CNTN5: variants seen among roughly 807,000 people sequenced by gnomAD.
CNTN5 encodes the protein contactin-5.
A neutral mutation model predicts 129.1 loss-of-function variants in CNTN5; 77 were observed. That is an observed-to-expected ratio of 0.60 (90% CI 0.50 to 0.72). CNTN5 has a LOEUF of 0.72. CNTN5 is among the 30% of genes least tolerant of loss of function. The pLI is 0.00. For synonymous variants in CNTN5, 509 were observed against 465.6 expected, an observed-to-expected ratio of 1.09 and a Z score of -1.20; for missense variants, 1,478 against 1,328.8, an observed-to-expected ratio of 1.11 and a Z score of -1.75.
intron 13 of CNTN5, among the ~76,000 whole-genome samples, chr11:100,140,238 T>C (rs1256481874): frequency 6.6e-6 from 1 of 152,196 alleles, no homozygotes; most frequent in Non-Finnish European, 1.5e-5. Context: ...AAAAGAAATA[T>C]GCCAACATGG....
At chr11:99,986,181 T>A (rs1938663738) in intron 8 of CNTN5, among the ~76,000 whole-genome samples, 1 of 152,130 alleles carries the variant, frequency 6.6e-6, no homozygotes, top group South Asian at 2.1e-4. Flanking sequence ...GATTACATAG[T>A]CACTTATTGT....
At chr11:99,926,606 T>C (rs1170380094) in intron 7 of CNTN5, among the ~76,000 whole-genome samples, 5 of 152,140 alleles carry the variant, frequency 3.3e-5, no homozygotes, top group Non-Finnish European at 7.4e-5. Context: ...TTTGGCATCT[T>C]TAATCTTACA....
chr11:99,775,146 G>T (rs1145373), intron 3 of CNTN5, among the ~76,000 whole-genome samples: 1 of 151,928 alleles, frequency 6.6e-6, no homozygotes, highest in South Asian at 2.1e-4. Context: ...ACTCTGCCAT[G>T]GGCGTGATGC....
intron 3 of CNTN5, among the ~76,000 whole-genome samples, chr11:99,756,492 C>T (rs1318737553): frequency 1.3e-5 from 2 of 152,088 alleles, no homozygotes; most frequent in Non-Finnish European, 2.9e-5. Context: ...TAGATTGCAT[C>T]TTGTCACAAA....
At chr11:99,601,589 A>T (rs1188832505) in intron 3 of CNTN5, among the ~76,000 whole-genome samples, 1 of 152,244 alleles carries the variant, frequency 6.6e-6, no homozygotes, top group Non-Finnish European at 1.5e-5. Context: ...TTCATTATAC[A>T]TAAACTTTTT....
intron 3 of CNTN5, among the ~76,000 whole-genome samples, chr11:99,707,588 A>G (rs759346347): frequency 6.6e-6 from 1 of 151,690 alleles, no homozygotes; most frequent in Non-Finnish European, 1.5e-5. Context: ...ATTTAGAGAT[A>G]GCCACATAGT....
At chr11:99,856,523 T>A (rs537320105) in intron 6 of CNTN5, among the ~76,000 whole-genome samples, 1 of 152,320 alleles carries the variant, frequency 6.6e-6, no homozygotes, top group African/African-American at 2.4e-5. Flanking sequence ...TCAGAGTAAC[T>A]TCTGTATGCC....
chr11:100,037,165 GT>G (rs1942066731), intron 9 of CNTN5, among the ~76,000 whole-genome samples: 1 of 121,910 alleles, frequency 8.2e-6, no homozygotes, highest in African/African-American at 3.5e-5. Context: ...TTTATTAAGA[GT>G]TTTTAGCATG....
chr11:99,960,214 C>G (rs554287292), intron 8 of CNTN5, among the ~76,000 whole-genome samples: 1 of 152,214 alleles, frequency 6.6e-6, no homozygotes, highest in African/African-American at 2.4e-5. Flanking sequence ...TTTAAGTTTA[C>G]TGTTGCTTAT....
Position 100,227,148 on chromosome 11 carries a change from G to A in CNTN5, c.2005+2336G>A, listed in dbSNP as rs530260358. Among the ~76,000 whole-genome samples the A allele has an allele frequency of 3.9e-5, 6 of 152,218 alleles. No homozygotes were observed. The South Asian group carries it at 1.0e-3, about 26-fold the overall frequency. ...GCTCAATGTCTTCATCACAAGGAAC[G>A]TACTTGGATGGCAAGGATTATGTTC... On this transcript the variant is annotated intron_variant, in intron 16 of 24. Transcript: ENST00000524871.
chr11:100,104,092 C>T (rs1376260736), intron 13 of CNTN5, among the ~76,000 whole-genome samples: 1 of 142,262 alleles, frequency 7.0e-6, no homozygotes, highest in Non-Finnish European at 1.5e-5. Flanking sequence ...TAGAAAACGT[C>T]ACTTTTTTTT....
At chr11:99,698,307 AT>A (rs1565438306) in intron 3 of CNTN5, among the ~76,000 whole-genome samples, 1 of 151,346 alleles carries the variant, frequency 6.6e-6, no homozygotes, top group Admixed American at 6.6e-5. Context: ...TAATTTGATT[AT>A]TTAAAATGTC....
intron 13 of CNTN5, among the ~76,000 whole-genome samples, chr11:100,128,656 G>A (rs550036562): frequency 6.6e-6 from 1 of 152,172 alleles, no homozygotes; most frequent in African/African-American, 2.4e-5. Flanking sequence ...CAACATTCTT[G>A]GCTCAGAAAA....
chr11:99,100,393 A>G (rs942803016), intron 1 of CNTN5, among the ~76,000 whole-genome samples: 1 of 152,184 alleles, frequency 6.6e-6, no homozygotes, highest in Non-Finnish European at 1.5e-5. Flanking sequence ...TAAAACTTAA[A>G]TAAATGTTAG....
chr11:99,295,132 C>A (rs1864329734), intron 1 of CNTN5, among the ~76,000 whole-genome samples: 1 of 152,130 alleles, frequency 6.6e-6, no homozygotes, highest in African/African-American at 2.4e-5. Flanking sequence ...ATACAGTGCA[C>A]CAGGGAAATG....
At chr11:99,074,214 T>C (rs567503176) in intron 1 of CNTN5, among the ~76,000 whole-genome samples, 27 of 152,164 alleles carry the variant, frequency 1.8e-4, no homozygotes, top group Non-Finnish European at 3.1e-4. Flanking sequence ...CACCCACTTT[T>C]TGATGGAGTT....
chr11:99,080,980 GT>G (rs766619743), intron 1 of CNTN5, among the ~76,000 whole-genome samples: 3,002 of 112,384 alleles, frequency 0.027, 62 homozygotes, highest in African/African-American at 0.063. Flanking sequence ...TGAGAAATCA[GT>G]TTTTTTTTTT....
At position 99,681,779 on chromosome 11, in the gene CNTN5, A is replaced by G. The variant is rs138532228; in HGVS notation, c.55+125510A>G. Among the ~76,000 whole-genome samples, 241 of 152,162 alleles carry G rather than the reference A, an allele frequency of 1.6e-3. 1 individual carries two copies. Among genetic ancestry groups the G allele is most frequent in the African/African-American group, 5.5e-3 (229 of 41,502 alleles). ...TCTAGAAATGATCCCTTAGATCTAT[A>G]TATTGAAAAACTACACTTCTGTAGT... is the stretch of plus-strand genomic sequence containing the variant. On this transcript the variant is annotated intron_variant, in intron 3 of 24. Coordinates refer to ENST00000524871, the MANE Select transcript of CNTN5 (RefSeq NM_014361.4).
chr11:99,438,770 T>A (rs1215461298), intron 2 of CNTN5, among the ~76,000 whole-genome samples: 1 of 152,166 alleles, frequency 6.6e-6, no homozygotes, highest in Non-Finnish European at 1.5e-5. Flanking sequence ...AGAGTTTTTT[T>A]ATACATATGT....
Sources: allele counts gnomAD v4.1 joint callset (sites outside exome capture counted in the v4.1 genomes callset), GRCh38; gene constraint gnomAD v4.1.1; transcripts MANE v1.5; gene names NCBI Gene and HGNC (gene_info 2026-07-23, HGNC 2026-07-21).